DMGDH: variants seen among roughly 807,000 people sequenced by gnomAD.
DMGDH encodes dimethylglycine dehydrogenase.
A neutral mutation model predicts 95.2 loss-of-function variants in DMGDH; 76 were observed. The observed-to-expected ratio is 0.80, with a 90% CI of 0.66 to 0.97. The LOEUF (loss-of-function observed/expected upper bound fraction) is 0.97, where lower values mean the gene tolerates loss of function less well. Ranked by LOEUF, DMGDH falls within the 50% of genes least tolerant of loss-of-function variation. The probability of loss-of-function intolerance (pLI) is 0.00; values close to 1 mark genes in which losing one functional copy is unlikely to be tolerated. For missense variants in DMGDH, 987 were observed against 1,055.0 expected (o/e 0.94, Z 0.89); for synonymous variants, 345 against 377.6 (o/e 0.91, Z 1.00).
chr5:79,022,849 T>C (rs910540427), intron 14 of DMGDH, among the ~76,000 whole-genome samples: 3 of 152,334 alleles, frequency 2.0e-5, no homozygotes, highest in African/African-American at 7.2e-5. Flanking sequence ...TACCTACTGG[T>C]GACCAATAAC....
intron 7 of DMGDH, among the ~76,000 whole-genome samples, chr5:79,037,253 G>T (rs1420645517): frequency 6.6e-6 from 1 of 152,136 alleles, no homozygotes; most frequent in African/African-American, 2.4e-5. Flanking sequence ...ACAAATAATA[G>T]GAATTTCACA....
intron 12 of DMGDH, among the ~76,000 whole-genome samples, chr5:79,027,394 G>C (rs1754031988): frequency 6.6e-6 from 1 of 152,172 alleles, no homozygotes; most frequent in African/African-American, 2.4e-5. Context: ...TATAGCAGCA[G>C]CCCAGAGAAA....
At chr5:79,064,939 G>A (rs1466908214) in intron 1 of DMGDH, among the ~76,000 whole-genome samples, 2 of 152,090 alleles carry the variant, frequency 1.3e-5, no homozygotes, top group Non-Finnish European at 2.9e-5. Flanking sequence ...TGGTAGAGAT[G>A]AGGTTTCACC....
At chr5:79,069,471 AC>A (rs1404210780) in intron 1 of DMGDH, 48 bp downstream of exon 1, 5 of 1,172,766 alleles carry the variant, frequency 4.3e-6, no homozygotes, top group Admixed American at 4.2e-5. Context: ...TCTGGCTCCC[AC>A]CCCCGCAGCC....
At chr5:79,032,912 T>C in intron 8 of DMGDH, 72 bp from the exon 9 acceptor site, 2 of 1,570,726 alleles carry the variant, frequency 1.3e-6, no homozygotes, top group South Asian at 2.2e-5. Flanking sequence ...GGATTCCAAA[T>C]ATGGAAATAC....
Position 79,042,445 on chromosome 5 carries a change from C to T in DMGDH, c.1031G>A (p.Arg344Gln), listed in dbSNP as rs549034649. The T allele has an allele frequency of 7.4e-6, 12 of 1,614,102 alleles. No homozygotes were observed. Among genetic ancestry groups the T allele is most frequent in the African/African-American group, 2.7e-5 (2 of 75,038 alleles). ...GKELFESDLD[R>Q]IMEHIKAAME... ...GGCAGCTTTGATGTGTTCCATGATT[C>T]GATCTAGATCAGACTCAAAGAGTTC... Residue 344 changes from arginine to glutamine, a missense_variant, in exon 7 of 16, where the codon CGA becomes CAA. Transcript: ENST00000255189.
intron 6 of DMGDH, among the ~76,000 whole-genome samples, chr5:79,043,815 C>G (rs1754589405): frequency 6.6e-6 from 1 of 152,202 alleles, no homozygotes; most frequent in Non-Finnish European, 1.5e-5. Flanking sequence ...TCCATATCCA[C>G]TTATGTAGCA....
intron 2 of DMGDH, among the ~76,000 whole-genome samples, chr5:79,059,595 T>TTTCTCACA (rs775732904): frequency 6.6e-6 from 1 of 152,262 alleles, no homozygotes; most frequent in Non-Finnish European, 1.5e-5. Context: ...TAAAAGTTTA[T>TTTCTCACA]TTCTCACATA....
At chr5:79,045,498 C>A (rs1392739844) in intron 5 of DMGDH, among the ~76,000 whole-genome samples, 1 of 152,192 alleles carries the variant, frequency 6.6e-6, no homozygotes, top group Admixed American at 6.5e-5. Flanking sequence ...CACTGGACAT[C>A]CTGTAATCAT....
At chr5:79,020,068 T>C (rs149544733) in intron 14 of DMGDH, among the ~76,000 whole-genome samples, 3 of 152,308 alleles carry the variant, frequency 2.0e-5, no homozygotes, top group Non-Finnish European at 2.9e-5. Context: ...GAGTAGTTTT[T>C]AGTTCTTTCA....
chr5:79,008,437 A>G (rs758646665), intron 14 of DMGDH, among the ~76,000 whole-genome samples: 11 of 152,200 alleles, frequency 7.2e-5, no homozygotes, highest in Non-Finnish European at 1.5e-4. Context: ...AAGACAGGCA[A>G]TCAACAAACT....
At chr5:79,046,448 C>T (rs552868493) in intron 5 of DMGDH, among the ~76,000 whole-genome samples, 16 of 152,144 alleles carry the variant, frequency 1.1e-4, no homozygotes, top group Admixed American at 6.5e-4. Flanking sequence ...AGTGTAGTGG[C>T]GCAATCATAA....
intron 14 of DMGDH, among the ~76,000 whole-genome samples, chr5:79,018,564 G>A (rs925733190): frequency 2.6e-5 from 4 of 152,046 alleles, no homozygotes; most frequent in Non-Finnish European, 4.4e-5. Context: ...TGGACACCCC[G>A]GGGATGAGGG....
intron 14 of DMGDH, chr5:79,021,407 A>G (rs770425856): frequency 2.1e-5 from 25 of 1,186,596 alleles, no homozygotes; most frequent in Non-Finnish European, 2.7e-5. Context: ...ATAAATGTCT[A>G]CTAGATGAAC....
At chr5:79,015,938 A>G (rs1753724755) in intron 14 of DMGDH, among the ~76,000 whole-genome samples, 2 of 152,360 alleles carry the variant, frequency 1.3e-5, no homozygotes, top group Non-Finnish European at 2.9e-5. Flanking sequence ...AAAATCCAGT[A>G]TCTATTCCTG....
At chr5:79,054,576 G>A (rs371468214) in intron 3 of DMGDH, among the ~76,000 whole-genome samples, 1 of 152,196 alleles carries the variant, frequency 6.6e-6, no homozygotes, top group Non-Finnish European at 1.5e-5. Flanking sequence ...CACAGGTGTA[G>A]GGGTGAACAA....
chr5:79,005,527 A>C, intron 14 of DMGDH, 120 bp from the exon 15 acceptor site: 1 of 1,363,658 alleles, frequency 7.3e-7, no homozygotes, highest in Non-Finnish European at 1.0e-6. Context: ...AAATAAAAAT[A>C]CAGATCGGAT....
intron 15 of DMGDH, among the ~76,000 whole-genome samples, chr5:78,999,091 G>C (rs4537039): frequency 1.3e-5 from 2 of 152,204 alleles, no homozygotes; most frequent in African/African-American, 4.8e-5. Context: ...CTACCGTCTG[G>C]CACAGTGGAC....
chr5:79,000,274 A>G (rs1753431569), intron 15 of DMGDH: 5 of 652,462 alleles, frequency 7.7e-6, no homozygotes, highest in South Asian at 5.4e-5. Flanking sequence ...CACATTTAAA[A>G]TCTCCATGAG....
Sources: gnomAD v4.1 joint callset for allele counts (sites outside exome capture counted in the v4.1 genomes callset) on GRCh38, gnomAD v4.1.1 for gene constraint, MANE v1.5 for transcripts, NCBI Gene and HGNC (gene_info 2026-07-23, HGNC 2026-07-21) for gene names.